CEP162: variants seen among roughly 807,000 people sequenced by gnomAD.
CEP162 encodes centrosomal protein 162, also known as centrosomal protein of 162 kDa.
In CEP162, 141 loss-of-function variants were observed where a neutral mutation model predicts 169.2. The ratio of observed to expected loss-of-function variants is 0.83; its 90% CI spans 0.73 to 0.96. CEP162 has a LOEUF of 0.96. Among genes scored for constraint, CEP162 ranks in the 40% least tolerant of loss-of-function variants. CEP162 has a pLI of 0.00. For missense variants in CEP162, 1,600 were observed against 1,587.2 expected (o/e 1.01, Z -0.14); for synonymous variants, 540 against 526.4 (o/e 1.03, Z -0.35).
intron 9 of CEP162, among the ~76,000 whole-genome samples, chr6:84,196,097 C>T (rs1276135050): frequency 6.6e-6 from 1 of 152,152 alleles, no homozygotes; most frequent in Non-Finnish European, 1.5e-5. Context: ...TATGGTTTGG[C>T]TGTGTCCCCA....
chr6:84,169,663 A>G (rs1298167647), intron 17 of CEP162, among the ~76,000 whole-genome samples: 1 of 152,184 alleles, frequency 6.6e-6, no homozygotes, highest in Non-Finnish European at 1.5e-5. Context: ...ACCTAAGATT[A>G]TTGGTTTATT....
intron 25 of CEP162, among the ~76,000 whole-genome samples, chr6:84,131,675 G>T (rs535036238): frequency 0.053 from 7,148 of 135,132 alleles, 562 homozygotes; most frequent in African/African-American, 0.18. Flanking sequence ...CTTTTTTTTT[G>T]TTTTGTTTTC....
chr6:84,194,349 C>A (rs530219974), intron 10 of CEP162, among the ~76,000 whole-genome samples: 1 of 134,072 alleles, frequency 7.5e-6, no homozygotes, highest in African/African-American at 2.9e-5. Context: ...AGCAAGACTC[C>A]GTCTCAAAAA....
chr6:84,211,576 G>GA (rs967023418), intron 6 of CEP162, among the ~76,000 whole-genome samples: 9 of 142,206 alleles, frequency 6.3e-5, no homozygotes, highest in Non-Finnish European at 1.2e-4. Context: ...TTAAAGAAAG[G>GA]AAAAAAACCA....
chr6:84,195,103 A>G, intron 9 of CEP162, 28 bp from the exon 10 acceptor site: 2 of 1,478,660 alleles, frequency 1.4e-6, no homozygotes, highest in Non-Finnish European at 1.8e-6. Context: ...ATCACCAGAA[A>G]TAATTACATC....
intron 26 of CEP162, among the ~76,000 whole-genome samples, chr6:84,125,646 C>G (rs1174181607): frequency 1.3e-5 from 2 of 152,058 alleles, no homozygotes; most frequent in African/African-American, 4.8e-5. Flanking sequence ...CCAAAGTGAT[C>G]TCTCGCCCCT....
chr6:84,215,914 C>A lies in CEP162; in HGVS notation c.181G>T (p.Gly61Ter), dbSNP rs866312875. The A allele has an allele frequency of 6.4e-7, 1 of 1,564,706 alleles. No individual in the cohort carries two copies. The highest frequency in any genetic ancestry group is 8.7e-7 in the Non-Finnish European group (1 of 1,154,400). The change falls in exon 4 of 27, where the codon GGA becomes TGA. Residue 61 changes from glycine (G) to a stop codon, truncating the protein, a stop_gained. Coordinates refer to ENST00000403245, the MANE Select transcript of CEP162 (RefSeq NM_014895.4). LOFTEE classifies it high-confidence loss of function. ...EDDFKDDGLL[G>*]TNVSYLKTKK... ...GTTTTCAAATAGCTCACATTTGTTC[C>A]AAGAAGTCCTAGGTACACAATTTAA...
At chr6:84,201,142 G>C (rs1444192224) in intron 8 of CEP162, among the ~76,000 whole-genome samples, 1 of 152,174 alleles carries the variant, frequency 6.6e-6, no homozygotes, top group Non-Finnish European at 1.5e-5. Flanking sequence ...GCCAGGCGTG[G>C]TGGCAGGCGC....
At chr6:84,213,789 G>C (rs1280297774) in intron 5 of CEP162, among the ~76,000 whole-genome samples, 8 of 152,190 alleles carry the variant, frequency 5.3e-5, no homozygotes, top group African/African-American at 9.6e-5. Context: ...GTGGCAAAAA[G>C]TTGTGGCCCA....
intron 7 of CEP162, among the ~76,000 whole-genome samples, chr6:84,203,317 T>C (rs2099545406): frequency 6.6e-6 from 1 of 152,210 alleles, no homozygotes; most frequent in African/African-American, 2.4e-5. Flanking sequence ...TTTACTATAC[T>C]TCATAAAGGC....
intron 18 of CEP162, 100 bp from the exon 19 acceptor site, chr6:84,163,370 T>A: frequency 1.5e-5 from 13 of 866,644 alleles, no homozygotes; most frequent in Non-Finnish European, 2.3e-5. Context: ...CGGCAAAATA[T>A]TTTCTCTAAA....
At chr6:84,148,644 A>G (rs2099519968) in intron 24 of CEP162, among the ~76,000 whole-genome samples, 1 of 152,184 alleles carries the variant, frequency 6.6e-6, no homozygotes, top group African/African-American at 2.4e-5. Context: ...CCATATTCAA[A>G]CTTCCCGAAT....
At chr6:84,219,288 G>A in intron 3 of CEP162, 1 of 523,618 alleles carries the variant, frequency 1.9e-6, no homozygotes, top group South Asian at 1.7e-5. Context: ...CCGTGGGCAG[G>A]GAAACCTCCC....
rs780344109 is a variant in CEP162, at chr6:84,126,480, G to A, written c.3903C>T (p.Ala1301=). Reference sequence around the variant, plus strand: ...TCATCTCTGGTGTATGGTTTTCTTTGGCTTCTCTCAATTCTTCTAAGAGTT... The same window carrying A: ...TCATCTCTGGTGTATGGTTTTCTTTAGCTTCTCTCAATTCTTCTAAGAGTT... ...ITKLLEELRE[A]KENHTPEMKH... Residue 1301 remains alanine (A), a synonymous_variant, in exon 26 of 27, where the codon GCC becomes GCT. Transcript: ENST00000403245. The A allele has an allele frequency of 6.4e-7, 1 of 1,560,986 alleles. No homozygotes were observed. The highest frequency in any genetic ancestry group is 8.7e-7 in the Non-Finnish European group (1 of 1,151,456).
In CEP162 at chr6:84,152,710, T is replaced by G. The variant is rs1259393005; in HGVS notation, c.3464A>C (p.Asp1155Ala). 6.8e-6 allele frequency: 11 copies of G among 1,613,192 alleles called. No homozygotes were observed. The highest frequency in any genetic ancestry group is 9.3e-6 in the Non-Finnish European group (11 of 1,179,614). The part of the protein sequence containing the change: ...GNANSFPGTL[D>A]SKLYQPHTFT... ...AGTATGTGGTTGGTACAGCTTGCTGTCCAGGGTTCCAGGGAAGGAGTTAGC... is the reference window on the plus strand; with the variant it reads ...AGTATGTGGTTGGTACAGCTTGCTGGCCAGGGTTCCAGGGAAGGAGTTAGC... Residue 1155 changes from aspartate (D) to alanine (A), a missense_variant, in exon 23 of 27, where the codon GAC (aspartate) becomes GCC (alanine). Transcript: ENST00000403245.
chr6:84,156,390 C>A (rs1179010297), intron 21 of CEP162, among the ~76,000 whole-genome samples: 1 of 152,116 alleles, frequency 6.6e-6, no homozygotes, highest in East Asian at 1.9e-4. Flanking sequence ...AATTAAATAA[C>A]CCCATTAAAA....
intron 9 of CEP162, among the ~76,000 whole-genome samples, chr6:84,197,825 CAA>C (rs564556727): frequency 6.7e-4 from 43 of 64,154 alleles, no homozygotes; most frequent in Admixed American, 8.2e-4. Flanking sequence ...TCAAACAAAA[CAA>C]AAAAAAAAAA....
chr6:84,174,322 C>T, intron 15 of CEP162, 134 bp from the exon 16 acceptor site: 2 of 770,848 alleles, frequency 2.6e-6, no homozygotes, highest in South Asian at 3.9e-5. Flanking sequence ...TGTGACATAA[C>T]TAGTTAAATC....
intron 25 of CEP162, among the ~76,000 whole-genome samples, chr6:84,143,286 G>A (rs1476342109): frequency 2.0e-5 from 3 of 151,924 alleles, no homozygotes; most frequent in South Asian, 4.1e-4. Flanking sequence ...ATAAAAATAT[G>A]CTTCTAGAAG....
Sources: allele counts gnomAD v4.1 joint callset (sites outside exome capture counted in the v4.1 genomes callset), GRCh38; gene constraint gnomAD v4.1.1; transcripts MANE v1.5; gene names NCBI Gene and HGNC (gene_info 2026-07-23, HGNC 2026-07-21).